GPC6: variants seen among roughly 807,000 people sequenced by gnomAD.
GPC6 encodes glypican 6.
A neutral mutation model predicts 55.2 loss-of-function variants in GPC6; 14 were observed. The observed-to-expected ratio is 0.25, with a 90% confidence interval of 0.17 to 0.40. The LOEUF (loss-of-function observed/expected upper bound fraction) is 0.40, where lower values mean the gene tolerates loss of function less well. Among genes scored for constraint, GPC6 ranks in the 10% least tolerant of loss-of-function variants. The pLI, the probability that GPC6 is intolerant of heterozygous loss-of-function variation, is 1.00. For missense variants in GPC6, 641 were observed against 708.5 expected, an observed-to-expected ratio of 0.90 and a Z score of 1.08; for synonymous variants, 278 against 259.6, an observed-to-expected ratio of 1.07 and a Z score of -0.68.
intron 1 of GPC6, among the ~76,000 whole-genome samples, chr13:93,329,926 T>C (rs1282778596): frequency 1.3e-5 from 2 of 152,164 alleles, no homozygotes; most frequent in African/African-American, 4.8e-5. Flanking sequence ...TTAAGGAAAT[T>C]CAAGAAGACT....
At chr13:93,272,498 A>G (rs200397990) in intron 1 of GPC6, among the ~76,000 whole-genome samples, 2 of 82,424 alleles carry the variant, frequency 2.4e-5, no homozygotes, top group African/African-American at 1.1e-4. Context: ...GTGTGTATAT[A>G]TATATATATA....
intron 2 of GPC6, among the ~76,000 whole-genome samples, chr13:93,783,809 T>C (rs1273534777): frequency 2.0e-5 from 3 of 152,198 alleles, no homozygotes; most frequent in Admixed American, 6.5e-5. Flanking sequence ...GCTTCTGTGC[T>C]TTACTGATTC....
At chr13:94,135,529 C>G (rs1887156294) in intron 4 of GPC6, among the ~76,000 whole-genome samples, 1 of 152,170 alleles carries the variant, frequency 6.6e-6, no homozygotes, top group Non-Finnish European at 1.5e-5. Flanking sequence ...GGGCAGAGAA[C>G]AGTGCTAGAA....
chr13:93,569,436 T>C (rs1780941068), intron 2 of GPC6, among the ~76,000 whole-genome samples: 1 of 152,056 alleles, frequency 6.6e-6, no homozygotes, highest in South Asian at 2.1e-4. Flanking sequence ...TTAAAGAGAA[T>C]TTCAATCAAC....
At chr13:93,728,674 C>A (rs1014088238) in intron 2 of GPC6, among the ~76,000 whole-genome samples, 2 of 152,040 alleles carry the variant, frequency 1.3e-5, no homozygotes, top group Non-Finnish European at 2.9e-5. Flanking sequence ...TGAAGTCATT[C>A]TCCAGCCTCA....
intron 2 of GPC6, among the ~76,000 whole-genome samples, chr13:93,681,354 C>T (rs1881839793): frequency 6.6e-6 from 1 of 152,012 alleles, no homozygotes; most frequent in Admixed American, 6.6e-5. Flanking sequence ...TTTGATAATT[C>T]TGCTATTTGA....
intron 2 of GPC6, among the ~76,000 whole-genome samples, chr13:93,760,131 A>G (rs1884910661): frequency 6.6e-6 from 1 of 152,170 alleles, no homozygotes; most frequent in Admixed American, 6.6e-5. Flanking sequence ...TTTTACAGAA[A>G]GCTAAGAAAT....
intron 4 of GPC6, among the ~76,000 whole-genome samples, chr13:94,220,509 A>AT (rs922739680): frequency 3.3e-5 from 5 of 151,274 alleles, no homozygotes; most frequent in South Asian, 2.1e-4. Context: ...GAGCCGATCT[A>AT]TTTTTTTTTC....
chr13:93,956,090 T>TA (rs1433350313), intron 3 of GPC6, among the ~76,000 whole-genome samples: 1 of 152,074 alleles, frequency 6.6e-6, no homozygotes, highest in Admixed American at 6.6e-5. Flanking sequence ...CTAAAGCAAA[T>TA]ATACAGCTCC....
chr13:93,543,727 T>G (rs761391154), intron 1 of GPC6, among the ~76,000 whole-genome samples: 1 of 152,324 alleles, frequency 6.6e-6, no homozygotes, highest in Non-Finnish European at 1.5e-5. Flanking sequence ...TGTTTGTTTT[T>G]GGGCACCTAG....
intron 4 of GPC6, among the ~76,000 whole-genome samples, chr13:94,158,449 G>C (rs1888034886): frequency 6.7e-6 from 1 of 150,320 alleles, no homozygotes; most frequent in Non-Finnish European, 1.5e-5. Context: ...CCTTTAAAGA[G>C]AACACAATTC....
chr13:93,869,159 C>T (rs988409998), intron 3 of GPC6, among the ~76,000 whole-genome samples: 7 of 151,816 alleles, frequency 4.6e-5, no homozygotes, highest in African/African-American at 7.2e-5. Flanking sequence ...TTACAGCCCA[C>T]GGTTGGAAAA....
chr13:94,078,130 A>C (rs1331141556), intron 4 of GPC6, among the ~76,000 whole-genome samples: 2 of 151,920 alleles, frequency 1.3e-5, no homozygotes, highest in Non-Finnish European at 2.9e-5. Context: ...AAATTCACAA[A>C]TATGTGGAAA....
At chr13:94,018,774 A>G (rs1422252850) in intron 3 of GPC6, among the ~76,000 whole-genome samples, 1 of 152,154 alleles carries the variant, frequency 6.6e-6, no homozygotes, top group Non-Finnish European at 1.5e-5. Context: ...GAGCATTACC[A>G]CCTGAACTCC....
chr13:93,357,692 A>G (rs908934329), intron 1 of GPC6, among the ~76,000 whole-genome samples: 6 of 152,234 alleles, frequency 3.9e-5, no homozygotes, highest in Admixed American at 3.9e-4. Context: ...AAAAATAGCC[A>G]AACATGGTAT....
chr13:93,620,248 C>T (rs542981925), intron 2 of GPC6, among the ~76,000 whole-genome samples: 1 of 152,246 alleles, frequency 6.6e-6, no homozygotes, highest in Admixed American at 6.6e-5. Flanking sequence ...ACTATTTTGT[C>T]ACCATTGAGT....
At chr13:94,373,642 A>C (rs1376937317) in intron 6 of GPC6, among the ~76,000 whole-genome samples, 1 of 152,212 alleles carries the variant, frequency 6.6e-6, no homozygotes. Flanking sequence ...AACACTCTGC[A>C]GGATATTATC....
chr13:93,970,387 G>A (rs1002962545), intron 3 of GPC6, among the ~76,000 whole-genome samples: 2 of 152,192 alleles, frequency 1.3e-5, no homozygotes. Flanking sequence ...TGTAGATAGG[G>A]AGCAGTAATT....
intron 4 of GPC6, among the ~76,000 whole-genome samples, chr13:94,270,613 A>G (rs1219576150): frequency 6.6e-6 from 1 of 152,242 alleles, no homozygotes; most frequent in Non-Finnish European, 1.5e-5. Flanking sequence ...TCTTTTTCCA[A>G]ATAGTGTGTG....
Sources: allele counts gnomAD v4.1 joint callset (sites outside exome capture counted in the v4.1 genomes callset), GRCh38; gene constraint gnomAD v4.1.1; transcripts MANE v1.5; gene names NCBI Gene and HGNC (gene_info 2026-07-23, HGNC 2026-07-21).